Variants in AGTPBP1 observed in about 807,000 individuals in gnomAD.
AGTPBP1 encodes cytosolic carboxypeptidase 1.
In AGTPBP1, 70 loss-of-function variants were observed where a neutral mutation model predicts 143.9. The observed-to-expected ratio is 0.49, with a 90% CI of 0.40 to 0.59. The LOEUF is 0.59. Ranked by LOEUF, AGTPBP1 falls within the 20% of genes least tolerant of loss-of-function variation. The pLI, the probability that AGTPBP1 is intolerant of heterozygous loss-of-function variation, is 0.00. For missense variants in AGTPBP1, 1,229 were observed against 1,464.5 expected (o/e 0.84, Z 2.62); for synonymous variants, 463 against 500.2 (o/e 0.93, Z 0.99).
At chr9:85,616,267 G>A (rs1374095637) in intron 17 of AGTPBP1, among the ~76,000 whole-genome samples, 2 of 151,884 alleles carry the variant, frequency 1.3e-5, no homozygotes, top group Non-Finnish European at 1.5e-5. Flanking sequence ...CAAAGGAGAA[G>A]GGGGAAGAAG....
At chr9:85,769,698 CT>C in the AGTPBP1 span, among the ~76,000 whole-genome samples, 3 of 151,828 alleles carry the variant, frequency 2.0e-5, no homozygotes, top group Non-Finnish European at 1.5e-5. Context: ...ATCCTCACTA[CT>C]TTTTTATGCC....
At chr9:85,764,357 C>T in the AGTPBP1 span, among the ~76,000 whole-genome samples, 269 of 151,178 alleles carry the variant, frequency 1.8e-3, 1 homozygote, top group East Asian at 0.015. Flanking sequence ...GATAAAACCC[C>T]ATCTCTAGTA....
intron 3 of AGTPBP1, among the ~76,000 whole-genome samples, chr9:85,684,845 G>C (rs2134192309): frequency 6.6e-6 from 1 of 151,886 alleles, no homozygotes; most frequent in South Asian, 2.1e-4. Flanking sequence ...TAGATTTACA[G>C]ACAAGAACTT....
At chr9:85,744,608 G>T (rs895692657), upstream of AGTPBP1, among the ~76,000 whole-genome samples, 3 of 152,144 alleles carry the variant, frequency 2.0e-5, no homozygotes, top group Admixed American at 6.5e-5. Flanking sequence ...CCAGTTGCCC[G>T]CTTCACAGTT....
At chr9:85,768,761 T>C in the AGTPBP1 span, among the ~76,000 whole-genome samples, 1 of 152,062 alleles carries the variant, frequency 6.6e-6, no homozygotes, top group Non-Finnish European at 1.5e-5. Flanking sequence ...AATATTCACA[T>C]TATTGGCCAG....
chr9:85,598,507 A>C (rs1671070525), intron 17 of AGTPBP1, among the ~76,000 whole-genome samples: 1 of 152,190 alleles, frequency 6.6e-6, no homozygotes, highest in Non-Finnish European at 1.5e-5. Context: ...AAATTCTGAA[A>C]GGAGTACTTT....
chr9:85,737,619 T>C (rs991136840), intron 1 of AGTPBP1, among the ~76,000 whole-genome samples: 2 of 152,300 alleles, frequency 1.3e-5, no homozygotes, highest in African/African-American at 4.8e-5. Context: ...ATGTCAACAT[T>C]TGGAAGATCT....
chr9:85,785,301 T>C, the AGTPBP1 span, among the ~76,000 whole-genome samples: 6 of 151,690 alleles, frequency 4.0e-5, no homozygotes, highest in African/African-American at 1.5e-4. Flanking sequence ...ACCACTGCAC[T>C]CCAACCTGGG....
chr9:85,748,997 CTT>C, the AGTPBP1 span, among the ~76,000 whole-genome samples: 73 of 95,430 alleles, frequency 7.6e-4, no homozygotes, highest in African/African-American at 2.6e-3. Context: ...ATCTAGTGCA[CTT>C]TTTTTTTTTT....
chr9:85,741,510 G>T (rs1326460701), intron 1 of AGTPBP1: 16 of 985,302 alleles, frequency 1.6e-5, no homozygotes, highest in Non-Finnish European at 1.9e-5. Flanking sequence ...GTCTGGGACG[G>T]GGATCCACCG....
intron 25 of AGTPBP1, among the ~76,000 whole-genome samples, chr9:85,563,872 C>A (rs1826905076): frequency 6.6e-6 from 1 of 152,252 alleles, no homozygotes; most frequent in Non-Finnish European, 1.5e-5. Flanking sequence ...CTCTGCAGCA[C>A]AAGGTGAGGC....
the AGTPBP1 span, among the ~76,000 whole-genome samples, chr9:85,802,196 A>G: frequency 6.6e-6 from 1 of 152,116 alleles, no homozygotes; most frequent in Non-Finnish European, 1.5e-5. Context: ...ACTAAACTTC[A>G]ACAATTCTTC....
rs868857844 is a variant in AGTPBP1 at position 85,713,060 on chromosome 9, A to G, written c.-33-494T>C. On this transcript the variant is annotated intron_variant, in intron 1 of 25. Transcript: ENST00000357081. ...CCCTCAAACAATAGTTTTCATTTTT[A>G]GACATTATATATGTTTAAACAACCT... Among the ~76,000 whole-genome samples, 7 of 152,368 alleles carry G rather than the reference A, an allele frequency of 4.6e-5. No homozygotes were observed. In the Middle Eastern group the frequency reaches 0.014, roughly 296 times the overall value.
chr9:85,601,532 A>G (rs1226031037), intron 17 of AGTPBP1, among the ~76,000 whole-genome samples: 1 of 151,942 alleles, frequency 6.6e-6, no homozygotes, highest in African/African-American at 2.4e-5. Context: ...CACACATACC[A>G]TCTGTGGGTC....
At chr9:85,568,615 T>C (rs1336436226) in intron 25 of AGTPBP1, among the ~76,000 whole-genome samples, 1 of 152,172 alleles carries the variant, frequency 6.6e-6, no homozygotes, top group Admixed American at 6.5e-5. Flanking sequence ...AGCTGGAGGA[T>C]ACCAGAAGTA....
chr9:85,612,171 T>C (rs890545827), intron 17 of AGTPBP1, among the ~76,000 whole-genome samples: 1 of 152,152 alleles, frequency 6.6e-6, no homozygotes, highest in African/African-American at 2.4e-5. Flanking sequence ...TTCCTGGTGA[T>C]AGAAACAACT....
At position 85,657,601 on chromosome 9, in the gene AGTPBP1, A is replaced by G. The variant is rs1833605904; in HGVS notation, c.743T>C (p.Val248Ala). 1.2e-6 allele frequency: 2 copies of G among 1,613,892 alleles called. No individual in the cohort carries two copies. Among genetic ancestry groups the G allele is most frequent in the Admixed American group, 1.7e-5 (1 of 59,992 alleles). The part of the protein sequence containing the change: ...RRAVDRGYVQ[V>A]LLTIYVDWHR... ...CCAATCTACATAAATTGTTAAAAGC[A>G]CTTGGACATATCCTCTGTCTACAGC... Residue 248 changes from valine to alanine, a missense_variant, in exon 10 of 26, where the codon GTG becomes GCG. Around this residue, in one of 2 missense-constraint regions of AGTPBP1, gnomAD observed 743 missense variants for 812.2 expected, o/e 0.91. Coordinates refer to ENST00000357081, the MANE Select transcript of AGTPBP1 (RefSeq NM_001330701.2).
chr9:85,796,811 GA>G, the AGTPBP1 span, among the ~76,000 whole-genome samples: 1 of 152,100 alleles, frequency 6.6e-6, no homozygotes, highest in Admixed American at 6.6e-5. Flanking sequence ...TTTTGAGATG[GA>G]GTCTTGCTCT....
At chr9:85,660,715 A>T (rs528371015) in intron 9 of AGTPBP1, among the ~76,000 whole-genome samples, 1 of 152,282 alleles carries the variant, frequency 6.6e-6, no homozygotes, top group African/African-American at 2.4e-5. Context: ...GCTTGACTAA[A>T]TTATATAAAT....
Sources: allele counts gnomAD v4.1 joint callset (sites outside exome capture counted in the v4.1 genomes callset), GRCh38; gene constraint gnomAD v4.1.1; regional missense constraint gnomAD v4.1.1; transcripts MANE v1.5; gene names NCBI Gene and HGNC (gene_info 2026-07-23, HGNC 2026-07-21).